VAV3: variants seen among roughly 807,000 people sequenced by gnomAD.
The protein encoded by VAV3 is vav guanine nucleotide exchange factor 3.
A neutral mutation model predicts 131.2 loss-of-function variants in VAV3; 94 were observed. That is an observed-to-expected ratio of 0.72 (90% CI 0.61 to 0.85). The LOEUF (loss-of-function observed/expected upper bound fraction) is 0.85, where lower values mean the gene tolerates loss of function less well. VAV3 is among the 40% of genes least tolerant of loss of function. The pLI, the probability that VAV3 is intolerant of heterozygous loss-of-function variation, is 0.00. For missense variants in VAV3, 939 were observed against 1,002.7 expected, an observed-to-expected ratio of 0.94 and a Z score of 0.86; for synonymous variants, 349 against 342.0, an observed-to-expected ratio of 1.02 and a Z score of -0.22.
intron 2 of VAV3, among the ~76,000 whole-genome samples, chr1:107,831,232 T>A (rs149082499): frequency 4.6e-5 from 7 of 152,272 alleles, no homozygotes; most frequent in East Asian, 3.9e-4. Flanking sequence ...AAACAATACA[T>A]GAAAAAATAT....
At chr1:107,775,514 G>A (rs1331896840) in intron 4 of VAV3, among the ~76,000 whole-genome samples, 2 of 146,246 alleles carry the variant, frequency 1.4e-5, no homozygotes, top group Non-Finnish European at 3.0e-5. Context: ...GGAGGTGGAG[G>A]TTGCAGTGAG....
At chr1:107,738,590 A>G (rs956847522) in intron 15 of VAV3, among the ~76,000 whole-genome samples, 2 of 152,158 alleles carry the variant, frequency 1.3e-5, no homozygotes, top group African/African-American at 2.4e-5. Context: ...AGTTTCTCCC[A>G]TCGTTTCCAT....
chr1:107,613,217 C>T (rs1302686916), intron 21 of VAV3, among the ~76,000 whole-genome samples: 1 of 152,032 alleles, frequency 6.6e-6, no homozygotes, highest in Non-Finnish European at 1.5e-5. Flanking sequence ...TACAATGCAT[C>T]CAGGTGTTGA....
chr1:107,596,499 T>C (rs758851157), intron 24 of VAV3, among the ~76,000 whole-genome samples, 158 bp from the exon 25 acceptor site: 11 of 152,192 alleles, frequency 7.2e-5, no homozygotes, highest in Non-Finnish European at 1.3e-4. Flanking sequence ...CTCCCTGCTG[T>C]CTGGATGTAC....
chr1:107,855,493 GTC>G (rs1411609535), intron 2 of VAV3, among the ~76,000 whole-genome samples: 1 of 152,058 alleles, frequency 6.6e-6, no homozygotes, highest in Non-Finnish European at 1.5e-5. Flanking sequence ...GCCCAGGCTG[GTC>G]TCTAGCTCCT....
At position 107,714,088 on chromosome 1, in the gene VAV3, G is replaced by C. The variant is rs938817634; in HGVS notation, c.1503-9027C>G. Among the ~76,000 whole-genome samples, 4 of 151,972 alleles carry C rather than the reference G, an allele frequency of 2.6e-5. No individual in the cohort carries two copies. In the East Asian group the frequency reaches 7.7e-4, roughly 29 times the overall value. On this transcript the variant is annotated intron_variant, in intron 15 of 26. Coordinates refer to ENST00000370056, the MANE Select transcript of VAV3 (RefSeq NM_006113.5). ...GCATTATTTTTCCATCAAAACTAAA[G>C]ATAAAACAGATAAATATGCAAATCC...
At chr1:107,941,268 A>C (rs772156322) in intron 1 of VAV3, among the ~76,000 whole-genome samples, 1 of 152,112 alleles carries the variant, frequency 6.6e-6, no homozygotes, top group Non-Finnish European at 1.5e-5. Flanking sequence ...TCTAGTACTA[A>C]AGGACTAAAC....
At chr1:107,688,519 T>C (rs915278420) in intron 17 of VAV3, 113 bp from the exon 18 acceptor site, 58 of 1,565,340 alleles carry the variant, frequency 3.7e-5, no homozygotes, top group Non-Finnish European at 5.0e-5. Context: ...TCTTAACTGA[T>C]ACCTGTAATA....
intron 15 of VAV3, among the ~76,000 whole-genome samples, chr1:107,710,500 A>G (rs950249657): frequency 6.6e-6 from 1 of 152,200 alleles, no homozygotes; most frequent in African/African-American, 2.4e-5. Context: ...CAGATACCAA[A>G]TACAGATTAC....
Position 107,765,177 on chromosome 1 carries a change from T to C in VAV3, c.822-2A>G. On this transcript the variant is annotated splice_acceptor_variant, in intron 8 of 26. Transcript: ENST00000370056. LOFTEE classifies it high-confidence loss of function. The stretch of plus-strand genomic sequence containing the variant: ...CAGTACTGCCCGTAAATAACCAATC[T>C]GAAAGGGAAAAAAGACAAGAAATCT... The C allele has an allele frequency of 6.2e-7, 1 of 1,608,956 alleles. No homozygotes were observed. Among genetic ancestry groups the C allele is most frequent in the South Asian group, 1.1e-5 (1 of 90,534 alleles).
intron 19 of VAV3, among the ~76,000 whole-genome samples, chr1:107,643,712 T>C (rs1028603391): frequency 6.6e-6 from 1 of 152,156 alleles, no homozygotes; most frequent in Non-Finnish European, 1.5e-5. Flanking sequence ...TGTCATTCAG[T>C]TCTAGATGTC....
chr1:107,699,232 A>C (rs1659939062), intron 17 of VAV3, among the ~76,000 whole-genome samples: 1 of 152,272 alleles, frequency 6.6e-6, no homozygotes, highest in Non-Finnish European at 1.5e-5. Flanking sequence ...ATAGGGGTAC[A>C]GGCATTGTGT....
At chr1:107,825,302 T>C (rs1028215125) in intron 2 of VAV3, among the ~76,000 whole-genome samples, 5 of 152,188 alleles carry the variant, frequency 3.3e-5, no homozygotes, top group African/African-American at 1.2e-4. Context: ...GGGTCTTTAT[T>C]GCATATGCTT....
chr1:107,716,125 T>C (rs1661077116), intron 15 of VAV3, among the ~76,000 whole-genome samples: 2 of 152,244 alleles, frequency 1.3e-5, no homozygotes, highest in Admixed American at 1.3e-4. Flanking sequence ...GTCTTGGTTT[T>C]ATATAAAACT....
In VAV3 at chr1:107,779,500, A is replaced by G. The variant is rs375150488; in HGVS notation, c.322-8T>C. Reference sequence around the variant, plus strand: ...TGATAATGTTTCTATAACCTGAGAAAAGAGGAAAATACTAATTAGATATGT... The same window carrying G: ...TGATAATGTTTCTATAACCTGAGAAGAGAGGAAAATACTAATTAGATATGT... On this transcript the variant is annotated splice_polypyrimidine_tract_variant and splice_region_variant and intron_variant, in intron 2 of 26. Transcript: ENST00000370056. 6.5e-5 allele frequency: 102 copies of G among 1,574,102 alleles called. No homozygotes were observed. The highest frequency in any genetic ancestry group is 8.7e-5 in the Non-Finnish European group (101 of 1,160,464).
chr1:107,595,534 C>T (rs970371836), intron 25 of VAV3, among the ~76,000 whole-genome samples: 8 of 152,062 alleles, frequency 5.3e-5, no homozygotes, highest in African/African-American at 1.4e-4. Flanking sequence ...TAAAATCACA[C>T]CTTCTTGATG....
chr1:107,738,273 C>A (rs1662794011), intron 15 of VAV3, among the ~76,000 whole-genome samples: 1 of 152,100 alleles, frequency 6.6e-6, no homozygotes, highest in Non-Finnish European at 1.5e-5. Flanking sequence ...TTAATGGGTG[C>A]AGCAAACCAA....
chr1:107,941,215 C>T (rs1460901480), intron 1 of VAV3, among the ~76,000 whole-genome samples: 1 of 152,196 alleles, frequency 6.6e-6, no homozygotes, highest in East Asian at 1.9e-4. Context: ...CCAGCCCGCA[C>T]ATTCTAAATT....
At chr1:107,660,692 A>G (rs569544712) in intron 19 of VAV3, among the ~76,000 whole-genome samples, 158 of 152,320 alleles carry the variant, frequency 1.0e-3, no homozygotes, top group African/African-American at 3.3e-3. Context: ...ATCACTATGC[A>G]TATTAATTTT....
Sources: gnomAD v4.1 joint callset for allele counts (sites outside exome capture counted in the v4.1 genomes callset) on GRCh38, gnomAD v4.1.1 for gene constraint, MANE v1.5 for transcripts, NCBI Gene and HGNC (gene_info 2026-07-23, HGNC 2026-07-21) for gene names.